The following CTNNA3 variants were observed in gnomAD, a reference collection of about 807,000 sequenced individuals.
CTNNA3 encodes catenin alpha 3.
CTNNA3 carries 76 observed loss-of-function variants against 95.7 expected under a neutral mutation model. That is an observed-to-expected ratio of 0.79 (90% CI 0.66 to 0.96). The LOEUF (loss-of-function observed/expected upper bound fraction) is 0.96. Ranked by LOEUF, CTNNA3 falls within the 40% of genes least tolerant of loss-of-function variation. The probability of loss-of-function intolerance (pLI) is 0.00; values close to 1 mark genes in which losing one functional copy is unlikely to be tolerated. For missense variants in CTNNA3, 1,191 were observed against 1,089.8 expected (o/e 1.09, Z -1.31); for synonymous variants, 431 against 374.4 (o/e 1.15, Z -1.74).
rs55895851 is a variant in CTNNA3, at chr10:66,682,657, G to GCTAAAACATTTT, written c.1282-60874_1282-60873insAAAATGTTTTAG. 6.1e-4 allele frequency among the ~76,000 whole-genome samples: 90 copies of GCTAAAACATTTT among 148,678 alleles called. 1 individual carries two copies. The highest frequency in any genetic ancestry group is 3.8e-3 in the Admixed American group (57 of 14,866). On this transcript the variant is annotated intron_variant, in intron 9 of 17. Coordinates refer to ENST00000433211, the MANE Select transcript of CTNNA3 (RefSeq NM_013266.4). ...GGCTTTCTTTTTTTTTTTTATTTCT[G>GCTAAAACATTTT]TTTTCTTTCTTTTTTCTTTTTCAGG...
intron 10 of CTNNA3, among the ~76,000 whole-genome samples, chr10:66,562,939 T>G (rs996035398): frequency 6.6e-6 from 1 of 152,062 alleles, no homozygotes; most frequent in African/African-American, 2.4e-5. Context: ...TCAGGAACAT[T>G]AAAATAATTT....
Position 66,907,679 on chromosome 10 carries a change from C to G in CTNNA3, c.1048-132155G>C, listed in dbSNP as rs545514509. Among the ~76,000 whole-genome samples, 26 of 152,256 alleles carry G rather than the reference C, an allele frequency of 1.7e-4. 1 individual carries two copies. The South Asian group carries it at 5.4e-3, about 32-fold the overall frequency. On this transcript the variant is annotated intron_variant, in intron 7 of 17. Coordinates refer to ENST00000433211, the MANE Select transcript of CTNNA3 (RefSeq NM_013266.4). ...TTAAGTTTTCTATTCACTCTACCAT[C>G]AATTATAGTTCAGAGAACATCATCA...
rs376942268 is a variant in CTNNA3, at chr10:66,910,910, C to T, written c.1048-135386G>A. Among the ~76,000 whole-genome samples, 17 of 152,266 alleles carry T rather than the reference C, an allele frequency of 1.1e-4. No homozygotes were observed. In the East Asian group the frequency reaches 1.7e-3, roughly 16 times the overall value. ...TCATGGGATTTAAAGAAGACAGCAA[C>T]GTAAGCAATTTTAGATAGTATATTG... On this transcript the variant is annotated intron_variant, in intron 7 of 17. Coordinates refer to ENST00000433211, the MANE Select transcript of CTNNA3 (RefSeq NM_013266.4).
chr10:66,282,485 G>C (rs1200970439), intron 12 of CTNNA3, among the ~76,000 whole-genome samples: 1 of 151,588 alleles, frequency 6.6e-6, no homozygotes, highest in Non-Finnish European at 1.5e-5. Context: ...AAAAAACCCA[G>C]GTGTTTTATC....
intron 8 of CTNNA3, among the ~76,000 whole-genome samples, chr10:66,769,859 C>T (rs1046736486): frequency 9.9e-5 from 15 of 152,184 alleles, no homozygotes; most frequent in African/African-American, 3.4e-4. Context: ...TCCTCTTTCC[C>T]TGCCTCGCTT....
At chr10:67,072,117 T>G (rs1856500011) in intron 7 of CTNNA3, among the ~76,000 whole-genome samples, 1 of 152,112 alleles carries the variant, frequency 6.6e-6, no homozygotes, top group South Asian at 2.1e-4. Flanking sequence ...CAAGCCCAGC[T>G]AATTTTTTGT....
intron 5 of CTNNA3, among the ~76,000 whole-genome samples, chr10:67,328,559 G>A (rs929264008): frequency 6.6e-5 from 10 of 152,224 alleles, no homozygotes; most frequent in Non-Finnish European, 1.0e-4. Flanking sequence ...CCCTGCCAGG[G>A]TTCCAGAGGC....
chr10:67,027,139 G>A (rs1853438929), intron 7 of CTNNA3, among the ~76,000 whole-genome samples: 1 of 152,128 alleles, frequency 6.6e-6, no homozygotes, highest in African/African-American at 2.4e-5. Flanking sequence ...CTGATAGAGT[G>A]AGTGCCCAAT....
At chr10:67,075,573 A>G (rs2093025473) in intron 7 of CTNNA3, among the ~76,000 whole-genome samples, 1 of 152,190 alleles carries the variant, frequency 6.6e-6, no homozygotes, top group East Asian at 1.9e-4. Context: ...ACATTTTCTC[A>G]AAGTAAGATA....
chr10:66,248,563 A>G (rs1306640867), intron 13 of CTNNA3, among the ~76,000 whole-genome samples: 1 of 152,156 alleles, frequency 6.6e-6, no homozygotes, highest in Non-Finnish European at 1.5e-5. Context: ...CTTCATGCCA[A>G]TGGAAACCAA....
chr10:67,001,613 T>G (rs940632022), intron 7 of CTNNA3, among the ~76,000 whole-genome samples: 2 of 152,064 alleles, frequency 1.3e-5, no homozygotes. Context: ...ATAAATTTAG[T>G]CTTTAATACT....
intron 7 of CTNNA3, among the ~76,000 whole-genome samples, chr10:66,815,865 A>AAGGGG (rs1466276196): frequency 9.2e-5 from 14 of 152,230 alleles, no homozygotes; most frequent in Admixed American, 7.9e-4. Context: ...TTCCAGGCTG[A>AAGGGG]AATAAAAGGA....
At chr10:67,057,548 A>G (rs1276843507) in intron 7 of CTNNA3, among the ~76,000 whole-genome samples, 3 of 152,282 alleles carry the variant, frequency 2.0e-5, no homozygotes, top group Admixed American at 1.3e-4. Context: ...TATTTCACTT[A>G]GTATAATGTC....
chr10:67,508,074 C>A lies in CTNNA3; in HGVS notation c.579+13768G>T, dbSNP rs117823940. ...TATCACCCAGGCTGGAGTACAGTGG[C>A]GCAATTGTAGCTCATTACAACCTCC... On this transcript the variant is annotated intron_variant, in intron 5 of 17. Transcript: ENST00000433211. 1.5e-4 allele frequency among the ~76,000 whole-genome samples: 23 copies of A among 152,162 alleles called. No individual in the cohort carries two copies. In the East Asian group the frequency reaches 4.2e-3, roughly 28 times the overall value.
rs189939136 is a variant in CTNNA3 at position 67,153,585 on chromosome 10, A to G, written c.1047+26732T>C. On this transcript the variant is annotated intron_variant, in intron 7 of 17. Coordinates refer to ENST00000433211, the MANE Select transcript of CTNNA3 (RefSeq NM_013266.4). ...TTTAAATTCAGAGTTCTCCGACAGC[A>G]GCGATCTTTCTAACCTCCACTTTGT... 1.8e-4 allele frequency among the ~76,000 whole-genome samples: 27 copies of G among 152,360 alleles called. No individual in the cohort carries two copies. The East Asian group carries it at 5.0e-3, about 28-fold the overall frequency.
intron 10 of CTNNA3, among the ~76,000 whole-genome samples, chr10:66,525,965 G>T (rs1421405869): frequency 1.1e-4 from 17 of 152,072 alleles, no homozygotes; most frequent in Non-Finnish European, 8.8e-5. Context: ...TATTCAAGTT[G>T]TAGTATGCAT....
chr10:66,832,950 A>T (rs938209855), intron 7 of CTNNA3, among the ~76,000 whole-genome samples: 10 of 152,166 alleles, frequency 6.6e-5, no homozygotes, highest in African/African-American at 2.4e-4. Context: ...GAGCTTGTAG[A>T]CACCTAAAAA....
chr10:65,999,775 G>A (rs189256898), intron 15 of CTNNA3, among the ~76,000 whole-genome samples: 2 of 152,224 alleles, frequency 1.3e-5, no homozygotes, highest in Admixed American at 1.3e-4. Context: ...TCCATAATGG[G>A]TTCTTGGGAT....
At position 66,741,042 on chromosome 10, in the gene CTNNA3, C is replaced by T. The variant is rs553538869; in HGVS notation, c.1281+25222G>A. 2.9e-4 allele frequency among the ~76,000 whole-genome samples: 44 copies of T among 152,272 alleles called. No homozygotes were observed. The South Asian group carries it at 8.7e-3, about 30-fold the overall frequency. On this transcript the variant is annotated intron_variant, in intron 9 of 17. Coordinates refer to ENST00000433211, the MANE Select transcript of CTNNA3 (RefSeq NM_013266.4). ...TGTTTAAACAACCATTCCAAATACA[C>T]TATTTTATAAAATCCTTTAGGTGAT...
Sources: gnomAD v4.1 joint callset for allele counts (sites outside exome capture counted in the v4.1 genomes callset) on GRCh38, gnomAD v4.1.1 for gene constraint, MANE v1.5 for transcripts, NCBI Gene and HGNC (gene_info 2026-07-23, HGNC 2026-07-21) for gene names.